GJB7: variants seen among roughly 807,000 people sequenced by gnomAD.
GJB7 encodes gap junction beta-7 protein.
For missense variants in GJB7, 253 were observed against 256.8 expected, an observed-to-expected ratio of 0.99 and a Z score of 0.10; for synonymous variants, 87 against 95.2, an observed-to-expected ratio of 0.91 and a Z score of 0.50.
At position 87,324,233 on chromosome 6, in the gene GJB7, A is replaced by G. The variant is rs375314959; in HGVS notation, c.-205-1190T>C. Among the ~76,000 whole-genome samples, 108 of 152,054 alleles carry G rather than the reference A, an allele frequency of 7.1e-4. 2 individuals are homozygous for G. In the East Asian group the frequency reaches 0.017, roughly 24 times the overall value. ...CTCCCATTTTGTAGGTTGCCTGTTC[A>G]CTCTGATGGTAGTTTCTTTTGCTGT... is the stretch of plus-strand genomic sequence containing the variant. On this transcript the variant is annotated intron_variant, in intron 1 of 2. Transcript: ENST00000525899.
chr6:87,318,180 A>G (rs1312962903), intron 2 of GJB7, among the ~76,000 whole-genome samples: 1 of 150,394 alleles, frequency 6.6e-6, no homozygotes, highest in Non-Finnish European at 1.5e-5. Context: ...TTTTCTTCCC[A>G]GGTCAGACAT....
rs905604260 is a variant in GJB7 at position 87,284,551 on chromosome 6, C to T, written c.362G>A (p.Trp121Ter). The T allele has an allele frequency of 2.5e-6, 4 of 1,614,088 alleles. No homozygotes were observed. The highest frequency in any genetic ancestry group is 2.7e-5 in the African/African-American group (2 of 74,988). The change falls in exon 3 of 3, where the codon TGG becomes TAG. Residue 121 changes from tryptophan to a stop codon, truncating the protein, a stop_gained. Transcript: ENST00000525899. LOFTEE classifies it low-confidence loss of function (END_TRUNC). ...AATGAGGCTGATAAGATAAGCGTAC[C>T]ATAGGCCCCCATCCATTGTACCTGG... ...VSPGTMDGGL[W>*]YAYLISLIVK...
At chr6:87,308,372 T>C (rs1776465101) in intron 2 of GJB7, among the ~76,000 whole-genome samples, 1 of 152,102 alleles carries the variant, frequency 6.6e-6, no homozygotes, top group African/African-American at 2.4e-5. Context: ...ACTTAAAGTA[T>C]AATAAAAAAA....
intron 2 of GJB7, among the ~76,000 whole-genome samples, chr6:87,312,523 CA>C (rs796298596): frequency 1.4e-5 from 2 of 144,054 alleles, no homozygotes; most frequent in Admixed American, 7.0e-5. Context: ...AAAAAAAAAA[CA>C]AAAAAAAAAC....
chr6:87,306,897 C>T (rs1776436776), intron 2 of GJB7, among the ~76,000 whole-genome samples: 1 of 152,092 alleles, frequency 6.6e-6, no homozygotes, highest in Non-Finnish European at 1.5e-5. Context: ...AATTGGAAAT[C>T]ATCATTCTCA....
At chr6:87,306,152 G>T (rs891615541) in intron 2 of GJB7, among the ~76,000 whole-genome samples, 1 of 151,902 alleles carries the variant, frequency 6.6e-6, no homozygotes, top group Non-Finnish European at 1.5e-5. Context: ...AAAAGCAATG[G>T]CAACAAAAGC....
intron 2 of GJB7, among the ~76,000 whole-genome samples, chr6:87,301,550 G>A (rs1395416808): frequency 1.3e-5 from 2 of 152,182 alleles, no homozygotes; most frequent in East Asian, 1.9e-4. Flanking sequence ...TCTGGGTGGA[G>A]CCCACTGCAG....
chr6:87,302,239 G>A (rs1202739201), intron 2 of GJB7, among the ~76,000 whole-genome samples: 1 of 152,110 alleles, frequency 6.6e-6, no homozygotes, highest in Middle Eastern at 3.2e-3. Flanking sequence ...CAAGCTAAAG[G>A]AGGAAGTTCG....
intron 2 of GJB7, among the ~76,000 whole-genome samples, chr6:87,315,795 C>CAAAAAAAAAAAAAAAAAA (rs1161194601): frequency 8.3e-5 from 6 of 72,346 alleles, no homozygotes; most frequent in South Asian, 5.1e-4. Flanking sequence ...GACTCTATCT[C>CAAAAAAAAAAAAAAAAAA]AAAAAAAAAA....
chr6:87,291,217 T>C (rs920842238), intron 2 of GJB7, among the ~76,000 whole-genome samples: 2 of 152,224 alleles, frequency 1.3e-5, no homozygotes, highest in South Asian at 4.1e-4. Context: ...ATTGTACTCG[T>C]TTTGTAATGT....
At chr6:87,293,124 C>T (rs963741111) in intron 2 of GJB7, among the ~76,000 whole-genome samples, 13 of 152,212 alleles carry the variant, frequency 8.5e-5, no homozygotes, top group East Asian at 1.9e-4. Context: ...CTCCCCTTCG[C>T]GGGTTCAAGC....
chr6:87,325,554 A>G (rs1336720743), intron 1 of GJB7, among the ~76,000 whole-genome samples: 1 of 149,618 alleles, frequency 6.7e-6, no homozygotes, highest in Non-Finnish European at 1.5e-5. Context: ...TTCTGTTTAT[A>G]TGCTGGATTA....
At chr6:87,305,305 G>A (rs897479849) in intron 2 of GJB7, among the ~76,000 whole-genome samples, 1 of 151,942 alleles carries the variant, frequency 6.6e-6, no homozygotes, top group African/African-American at 2.4e-5. Flanking sequence ...ATCTCCTTAA[G>A]CTGATAAGCA....
At chr6:87,328,749 G>T (rs1776908949) in intron 1 of GJB7, among the ~76,000 whole-genome samples, 3 of 152,320 alleles carry the variant, frequency 2.0e-5, no homozygotes. Flanking sequence ...ACAGAGGCAG[G>T]CAGGCCTCCT....
intron 2 of GJB7, among the ~76,000 whole-genome samples, chr6:87,305,644 A>T (rs1776413783): frequency 6.6e-6 from 1 of 152,236 alleles, no homozygotes; most frequent in Non-Finnish European, 1.5e-5. Context: ...TCAAGCTGCC[A>T]ATGACATTCT....
intron 2 of GJB7, among the ~76,000 whole-genome samples, chr6:87,305,600 C>T (rs1460740350): frequency 1.3e-5 from 2 of 152,170 alleles, no homozygotes; most frequent in African/African-American, 4.8e-5. Flanking sequence ...GGCCATACTG[C>T]CCAAGGTAAT....
intron 2 of GJB7, among the ~76,000 whole-genome samples, chr6:87,303,456 C>G (rs1412658863): frequency 6.6e-6 from 1 of 152,172 alleles, no homozygotes; most frequent in Admixed American, 6.5e-5. Context: ...GTAAAGGGAT[C>G]AATTCAACAA....
intron 2 of GJB7, chr6:87,322,408 G>GCACA (rs71707049): frequency 0.37 from 55,916 of 151,888 alleles, 11,941 homozygotes; most frequent in Non-Finnish European, 0.48. Context: ...AACGTCCCTT[G>GCACA]CACACTTCAG....
chr6:87,316,453 G>A (rs1400337549), intron 2 of GJB7, among the ~76,000 whole-genome samples: 2 of 152,324 alleles, frequency 1.3e-5, no homozygotes, highest in Admixed American at 6.5e-5. Flanking sequence ...TGCCTCCCCT[G>A]ATTATCCTTG....
Sources: allele counts gnomAD v4.1 joint callset (sites outside exome capture counted in the v4.1 genomes callset), GRCh38; gene constraint gnomAD v4.1.1; transcripts MANE v1.5; gene names NCBI Gene and HGNC (gene_info 2026-07-23, HGNC 2026-07-21).